The following EAF2 variants were observed in gnomAD, a reference collection of about 807,000 sequenced individuals.
EAF2 encodes the protein ELL associated factor 2, also known as ELL-associated factor 2.
A neutral mutation model predicts 29.4 loss-of-function variants in EAF2; 29 were observed. The observed-to-expected ratio is 0.99, with a 90% CI of 0.73 to 1.35. The LOEUF is 1.35. Among genes scored for constraint, EAF2 ranks in the 40% most tolerant of loss-of-function variants. The probability of loss-of-function intolerance (pLI) is 0.00; values close to 1 mark genes in which losing one functional copy is unlikely to be tolerated. For synonymous variants in EAF2, 103 were observed against 102.5 expected (o/e 1.00, Z -0.03); for missense variants, 292 against 312.0 (o/e 0.94, Z 0.48).
At chr3:121,851,946 T>C (rs1457045316) in intron 2 of EAF2, among the ~76,000 whole-genome samples, 1 of 152,200 alleles carries the variant, frequency 6.6e-6, no homozygotes, top group African/African-American at 2.4e-5. Context: ...GGACAGAAAC[T>C]GAAGCTTAAA....
intron 5 of EAF2, among the ~76,000 whole-genome samples, chr3:121,885,091 T>C (rs1709261735): frequency 6.6e-6 from 1 of 152,192 alleles, no homozygotes; most frequent in Non-Finnish European, 1.5e-5. Context: ...ACATGAAAAT[T>C]GAACTTGTGA....
intron 2 of EAF2, among the ~76,000 whole-genome samples, chr3:121,850,467 T>C (rs2107510675): frequency 6.6e-6 from 1 of 152,206 alleles, no homozygotes; most frequent in Admixed American, 6.5e-5. Context: ...ATATGAAAAC[T>C]GAGTTCCTCC....
chr3:121,882,192 T>C (rs1709200399), intron 5 of EAF2, among the ~76,000 whole-genome samples: 3 of 151,646 alleles, frequency 2.0e-5, no homozygotes, highest in South Asian at 4.2e-4. Flanking sequence ...CTACTAAAAA[T>C]ACAAAAATTA....
At chr3:121,876,733 T>C (rs1709103709) in intron 5 of EAF2, among the ~76,000 whole-genome samples, 1 of 151,916 alleles carries the variant, frequency 6.6e-6, no homozygotes, top group Non-Finnish European at 1.5e-5. Context: ...TACCATTTAA[T>C]TAATAAATAC....
intron 4 of EAF2, among the ~76,000 whole-genome samples, chr3:121,865,999 C>T (rs1321850612): frequency 6.6e-6 from 1 of 152,182 alleles, no homozygotes; most frequent in Non-Finnish European, 1.5e-5. Context: ...GACTGGATCG[C>T]ACCAATAAAG....
intron 4 of EAF2, 43 bp from the exon 5 acceptor site, chr3:121,872,494 A>G: frequency 7.1e-7 from 1 of 1,405,298 alleles, no homozygotes; most frequent in Non-Finnish European, 9.6e-7. Context: ...TTTATTTAGC[A>G]TTTTTTATTT....
chr3:121,861,432 CT>C (rs1172083442), intron 4 of EAF2, among the ~76,000 whole-genome samples: 1 of 152,008 alleles, frequency 6.6e-6, no homozygotes, highest in Non-Finnish European at 1.5e-5. Context: ...AATGGCCTTC[CT>C]TGTCTCTTTT....
At chr3:121,858,003 C>T (rs2107521316) in intron 4 of EAF2, among the ~76,000 whole-genome samples, 1 of 152,290 alleles carries the variant, frequency 6.6e-6, no homozygotes, top group South Asian at 2.1e-4. Flanking sequence ...GTGAACACAT[C>T]CTTTTTTATG....
At chr3:121,841,261 T>G (rs574369269) in intron 1 of EAF2, among the ~76,000 whole-genome samples, 5 of 152,084 alleles carry the variant, frequency 3.3e-5, no homozygotes, top group African/African-American at 1.2e-4. Context: ...CCCAGCACTT[T>G]GGGAGGCGGA....
intron 4 of EAF2, among the ~76,000 whole-genome samples, chr3:121,869,310 G>C (rs1218607710): frequency 6.6e-6 from 1 of 151,902 alleles, no homozygotes. Context: ...AGGAAACTAG[G>C]AAAAGAAAAG....
At chr3:121,851,399 G>A (rs1313765912) in intron 2 of EAF2, among the ~76,000 whole-genome samples, 1 of 151,672 alleles carries the variant, frequency 6.6e-6, no homozygotes, top group Non-Finnish European at 1.5e-5. Context: ...CATGCTGGTC[G>A]GAAACTCCTG....
intron 4 of EAF2, among the ~76,000 whole-genome samples, chr3:121,866,446 C>T (rs1708928202): frequency 6.6e-6 from 1 of 152,152 alleles, no homozygotes; most frequent in Non-Finnish European, 1.5e-5. Flanking sequence ...CCTGTCCTGG[C>T]TGGGTGCGGT....
At chr3:121,854,423 T>G (rs138895717) in intron 2 of EAF2, among the ~76,000 whole-genome samples, 3 of 152,246 alleles carry the variant, frequency 2.0e-5, no homozygotes, top group Non-Finnish European at 4.4e-5. Context: ...TTACTCATTA[T>G]AGGCCAAAGA....
At chr3:121,851,804 G>A (rs758183594) in intron 2 of EAF2, among the ~76,000 whole-genome samples, 2 of 152,172 alleles carry the variant, frequency 1.3e-5, no homozygotes, top group Admixed American at 6.5e-5. Flanking sequence ...GACGATTGAA[G>A]GTGTGTCATC....
chr3:121,837,001 G>A (rs1186355841), intron 1 of EAF2, among the ~76,000 whole-genome samples: 1 of 152,114 alleles, frequency 6.6e-6, no homozygotes, highest in Non-Finnish European at 1.5e-5. Flanking sequence ...GAAAATGCCA[G>A]TATCTTGAAA....
At chr3:121,880,016 T>C (rs966524143) in intron 5 of EAF2, among the ~76,000 whole-genome samples, 3 of 152,198 alleles carry the variant, frequency 2.0e-5, no homozygotes, top group Admixed American at 6.5e-5. Flanking sequence ...TCTTTGAACA[T>C]GGCATGTCTT....
chr3:121,836,261 G>A (rs1198637074), intron 1 of EAF2: 1 of 152,150 alleles, frequency 6.6e-6, no homozygotes, highest in East Asian at 1.9e-4. Flanking sequence ...AAAACTGTAA[G>A]TATTTTTTCA....
At chr3:121,871,387 T>C (rs539671272) in intron 4 of EAF2, among the ~76,000 whole-genome samples, 40 of 152,062 alleles carry the variant, frequency 2.6e-4, no homozygotes, top group African/African-American at 8.7e-4. Flanking sequence ...GAAAAGAGCA[T>C]AGGAGAATAT....
At chr3:121,837,502 T>C (rs144601383) in intron 1 of EAF2, 10 of 152,306 alleles carry the variant, frequency 6.6e-5, no homozygotes, top group African/African-American at 1.2e-4. Flanking sequence ...ATATATATAA[T>C]GTGACTTTGG....
Sources: allele counts gnomAD v4.1 joint callset (sites outside exome capture counted in the v4.1 genomes callset), GRCh38; gene constraint gnomAD v4.1.1; transcripts MANE v1.5; gene names NCBI Gene and HGNC (gene_info 2026-07-23, HGNC 2026-07-21).